Variants in MARCHF1 observed in about 807,000 individuals in gnomAD.
The protein encoded by MARCHF1 is membrane associated ring-CH-type finger 1, also known as E3 ubiquitin-protein ligase MARCHF1.
In MARCHF1, 40 loss-of-function variants were observed where a neutral mutation model predicts 54.2. That is an observed-to-expected ratio of 0.74 (90% CI 0.57 to 0.96). The LOEUF (loss-of-function observed/expected upper bound fraction) is 0.96. Ranked by LOEUF, MARCHF1 falls within the 40% of genes least tolerant of loss-of-function variation. The probability of loss-of-function intolerance (pLI) is 0.00; values close to 1 mark genes in which losing one functional copy is unlikely to be tolerated. For synonymous variants in MARCHF1, 236 were observed against 236.3 expected (o/e 1.00, Z 0.01); for missense variants, 586 against 656.5 (o/e 0.89, Z 1.17).
intron 4 of MARCHF1, among the ~76,000 whole-genome samples, chr4:163,782,897 A>T (rs1747510412): frequency 1.3e-5 from 2 of 152,144 alleles, no homozygotes; most frequent in African/African-American, 4.8e-5. Flanking sequence ...TCTTACTGGA[A>T]ATGAGGTGCA....
intron 5 of MARCHF1, among the ~76,000 whole-genome samples, chr4:163,618,910 G>T (rs997296388): frequency 8.7e-5 from 13 of 149,098 alleles, no homozygotes; most frequent in Non-Finnish European, 1.2e-4. Flanking sequence ...ACGTAGAGTA[G>T]AACAGGGGTT....
chr4:164,283,349 A>T (rs1444096336), intron 1 of MARCHF1, among the ~76,000 whole-genome samples: 4 of 150,776 alleles, frequency 2.7e-5, no homozygotes, highest in Non-Finnish European at 4.4e-5. Context: ...CTCAATATTA[A>T]ACACACCTTC....
intron 2 of MARCHF1, among the ~76,000 whole-genome samples, chr4:164,065,578 T>C (rs1754709498): frequency 6.6e-6 from 1 of 152,036 alleles, no homozygotes; most frequent in Non-Finnish European, 1.5e-5. Context: ...ACTAATAGGA[T>C]ATATATATAC....
rs562991984 is a variant in MARCHF1 at position 164,267,442 on chromosome 4, C to T, written c.-323+116428G>A. On this transcript the variant is annotated intron_variant, in intron 1 of 9. Transcript: ENST00000514618. ...TGCCCTCTCACTTGAATGAAGCCAA[C>T]TGGCGTGCTGTCAGTGGCCCAGTGT... Among the ~76,000 whole-genome samples the T allele has an allele frequency of 1.3e-3, 204 of 152,228 alleles. 1 individual carries two copies. Among genetic ancestry groups the T allele is most frequent in the African/African-American group, 4.5e-3 (187 of 41,568 alleles).
chr4:163,612,978 C>G lies in MARCHF1; in HGVS notation c.303G>C (p.Val101=), dbSNP rs1341384154. Reference sequence around the variant, plus strand: ...CAGACTCCTTCCTAGCAGGGCTCAGCACCATGACAGGGGTGCAATACTCAA... The same window carrying G: ...CAGACTCCTTCCTAGCAGGGCTCAGGACCATGACAGGGGTGCAATACTCAA... The part of the protein sequence containing the change: ...ESFEYCTPVM[V]LSPARKESGK... The change falls in exon 7 of 10, where the codon GTG becomes GTC. Residue 101 remains valine (V), a synonymous_variant. Coordinates refer to ENST00000514618, the MANE Select transcript of MARCHF1 (RefSeq NM_001394959.1). The G allele has an allele frequency of 6.5e-7, 1 of 1,531,360 alleles. No homozygotes were observed. The highest frequency in any genetic ancestry group is 8.7e-7 in the Non-Finnish European group (1 of 1,145,166). The allele number at this position is 1,531,360 out of a possible 1,614,324, so 94.9% of individuals were successfully genotyped here.
At chr4:164,110,394 C>T (rs909347193) in intron 2 of MARCHF1, among the ~76,000 whole-genome samples, 4 of 151,658 alleles carry the variant, frequency 2.6e-5, no homozygotes, top group African/African-American at 9.7e-5. Flanking sequence ...TCTAAAGTTT[C>T]CCCTTTTTAT....
chr4:164,227,329 G>T (rs1732287128), intron 1 of MARCHF1, among the ~76,000 whole-genome samples: 1 of 152,018 alleles, frequency 6.6e-6, no homozygotes, highest in South Asian at 2.1e-4. Flanking sequence ...CAGCATGGGG[G>T]AAACCACCCC....
chr4:164,085,745 T>C (rs976196027), intron 2 of MARCHF1, among the ~76,000 whole-genome samples: 5 of 151,900 alleles, frequency 3.3e-5, no homozygotes, highest in South Asian at 2.1e-4. Flanking sequence ...ATAATCATTG[T>C]AATGGTTTTT....
chr4:163,573,349 A>C (rs373928589), intron 8 of MARCHF1, among the ~76,000 whole-genome samples: 24 of 150,180 alleles, frequency 1.6e-4, no homozygotes, highest in East Asian at 7.8e-4. Context: ...TTTAGGGTAC[A>C]TGTGCACAAT....
chr4:163,837,172 G>C (rs1315721186), intron 4 of MARCHF1, among the ~76,000 whole-genome samples: 1 of 152,130 alleles, frequency 6.6e-6, no homozygotes, highest in Non-Finnish European at 1.5e-5. Flanking sequence ...ATATGTGTCA[G>C]AAGGACAGAA....
At chr4:164,205,342 A>G (rs1199677965) in intron 1 of MARCHF1, among the ~76,000 whole-genome samples, 1 of 152,196 alleles carries the variant, frequency 6.6e-6, no homozygotes, top group Non-Finnish European at 1.5e-5. Context: ...TATAGGCACT[A>G]TTGACACTTG....
intron 4 of MARCHF1, among the ~76,000 whole-genome samples, chr4:163,702,661 A>G (rs1744842127): frequency 6.6e-6 from 1 of 152,196 alleles, no homozygotes. Context: ...TTCACCACAC[A>G]GTTATAATAA....
At chr4:164,202,663 A>C (rs1042589987) in intron 1 of MARCHF1, among the ~76,000 whole-genome samples, 5 of 152,228 alleles carry the variant, frequency 3.3e-5, no homozygotes, top group Admixed American at 6.5e-5. Flanking sequence ...TGATTTGATT[A>C]AAGTCCATGA....
At chr4:163,617,510 A>G (rs1403987481) in intron 5 of MARCHF1, among the ~76,000 whole-genome samples, 1 of 152,182 alleles carries the variant, frequency 6.6e-6, no homozygotes, top group Admixed American at 6.5e-5. Context: ...AAATTATTAC[A>G]CATTAAGTAA....
chr4:163,896,605 G>C (rs1579375251), intron 3 of MARCHF1, among the ~76,000 whole-genome samples: 1 of 152,194 alleles, frequency 6.6e-6, no homozygotes, highest in Middle Eastern at 3.4e-3. Flanking sequence ...TTGTATAATA[G>C]CATTGTTCTT....
chr4:164,193,783 A>G (rs921745831), intron 1 of MARCHF1, among the ~76,000 whole-genome samples: 1 of 152,172 alleles, frequency 6.6e-6, no homozygotes, highest in Non-Finnish European at 1.5e-5. Context: ...GAATGCACAA[A>G]GATCTGTAAA....
At chr4:164,058,594 G>A (rs1754545504) in intron 2 of MARCHF1, among the ~76,000 whole-genome samples, 1 of 152,182 alleles carries the variant, frequency 6.6e-6, no homozygotes, top group Non-Finnish European at 1.5e-5. Context: ...AGAAGCAAAT[G>A]CCAACGACTT....
chr4:163,819,581 T>G (rs1288701098), intron 4 of MARCHF1, among the ~76,000 whole-genome samples: 2 of 152,088 alleles, frequency 1.3e-5, no homozygotes, highest in Non-Finnish European at 2.9e-5. Flanking sequence ...TTTTCAAGCC[T>G]CATCAAATTT....
intron 2 of MARCHF1, among the ~76,000 whole-genome samples, chr4:164,102,667 A>G (rs996914419): frequency 2.0e-5 from 3 of 151,866 alleles, no homozygotes; most frequent in African/African-American, 7.3e-5. Flanking sequence ...ATCATGCCAA[A>G]ATGTAAAGAC....
Sources: gnomAD v4.1 joint callset for allele counts (sites outside exome capture counted in the v4.1 genomes callset) on GRCh38, gnomAD v4.1.1 for gene constraint, MANE v1.5 for transcripts, NCBI Gene and HGNC (gene_info 2026-07-23, HGNC 2026-07-21) for gene names.